PLCB1: variants seen among roughly 807,000 people sequenced by gnomAD.
PLCB1 encodes 1-phosphatidylinositol 4,5-bisphosphate phosphodiesterase beta-1.
A neutral mutation model predicts 161.8 loss-of-function variants in PLCB1; 46 were observed. The ratio of observed to expected loss-of-function variants is 0.28; its 90% CI spans 0.22 to 0.36. The LOEUF is 0.36. Among genes scored for constraint, PLCB1 ranks in the 10% least tolerant of loss-of-function variants. The pLI is 1.00. For synonymous variants in PLCB1, 517 were observed against 503.7 expected (o/e 1.03, Z -0.35); for missense variants, 1,016 against 1,472.5 (o/e 0.69, Z 5.07).
chr20:8,228,253 T>C (rs965691699), intron 2 of PLCB1, among the ~76,000 whole-genome samples: 2 of 152,122 alleles, frequency 1.3e-5, no homozygotes, highest in Non-Finnish European at 2.9e-5. Context: ...AGCAAGAGGA[T>C]GTTTGGTTAA....
At chr20:8,173,937 C>T (rs1343242782) in intron 2 of PLCB1, among the ~76,000 whole-genome samples, 1 of 152,112 alleles carries the variant, frequency 6.6e-6, no homozygotes, top group African/African-American at 2.4e-5. Context: ...GCAGAATGTA[C>T]TCAATCTGAA....
intron 3 of PLCB1, among the ~76,000 whole-genome samples, chr20:8,560,981 G>A (rs954111144): frequency 1.1e-4 from 17 of 151,910 alleles, no homozygotes; most frequent in African/African-American, 3.9e-4. Flanking sequence ...TAACTGGAAG[G>A]ACCTTCCTAG....
chr20:8,703,366 T>C (rs1457699939), intron 11 of PLCB1, among the ~76,000 whole-genome samples: 2 of 152,210 alleles, frequency 1.3e-5, no homozygotes, highest in Non-Finnish European at 2.9e-5. Flanking sequence ...GTAAATATAA[T>C]GGTTGTGTGT....
chr20:8,825,714 AT>A (rs1985662366), intron 31 of PLCB1, among the ~76,000 whole-genome samples: 1 of 152,192 alleles, frequency 6.6e-6, no homozygotes, highest in Non-Finnish European at 1.5e-5. Context: ...CTTTGAAAAT[AT>A]TTTTATTGAT....
rs113924613 is a variant in PLCB1 at position 8,556,458 on chromosome 20, T to C, written c.247-71836T>C. Among the ~76,000 whole-genome samples the C allele has an allele frequency of 3.9e-3, 601 of 152,182 alleles. 3 individuals carry two copies. The highest frequency in any genetic ancestry group is 0.013 in the African/African-American group (557 of 41,540). On this transcript the variant is annotated intron_variant, in intron 3 of 31. Transcript: ENST00000338037. The stretch of plus-strand genomic sequence containing the variant: ...GGAAAAGCTGGAGAATGAGTTACTT[T>C]AGAGAATAATTGCTTTGAAAAAGAT...
At chr20:8,806,498 C>T (rs903120413) in intron 31 of PLCB1, among the ~76,000 whole-genome samples, 4 of 152,030 alleles carry the variant, frequency 2.6e-5, no homozygotes, top group Non-Finnish European at 2.9e-5. Context: ...GCAAGCCATT[C>T]GGCTTATACA....
chr20:8,546,794 C>CA lies in PLCB1; in HGVS notation c.247-81487dup, dbSNP rs201816512. 4.1e-3 allele frequency among the ~76,000 whole-genome samples: 476 copies of CA among 117,062 alleles called. 3 individuals are homozygous for CA. Among genetic ancestry groups the CA allele is most frequent in the South Asian group, 0.019 (73 of 3,776 alleles). 76.8% of individuals were successfully genotyped at this position (117,062 alleles called of 152,430 possible). On this transcript the variant is annotated intron_variant, in intron 3 of 31. Transcript: ENST00000338037. ...TGACTAGTATCATAAACCCTCTTGACAAAAAAAAAAAAATCACATTTCTGT... is the reference window on the plus strand; with the variant it reads ...TGACTAGTATCATAAACCCTCTTGACAAAAAAAAAAAAAATCACATTTCTGT...
intron 31 of PLCB1, among the ~76,000 whole-genome samples, chr20:8,800,997 A>G (rs1414877782): frequency 6.6e-6 from 1 of 152,124 alleles, no homozygotes; most frequent in East Asian, 1.9e-4. Context: ...TCAACATGTC[A>G]CCCAGAGGCA....
chr20:8,849,867 G>T (rs1986828407), intron 31 of PLCB1, among the ~76,000 whole-genome samples: 3 of 151,654 alleles, frequency 2.0e-5, no homozygotes, highest in South Asian at 2.1e-4. Context: ...ACAAAAATTA[G>T]CTGGGCATGC....
At chr20:8,634,118 T>A (rs1441471843) in intron 4 of PLCB1, among the ~76,000 whole-genome samples, 1 of 152,202 alleles carries the variant, frequency 6.6e-6, no homozygotes, top group Non-Finnish European at 1.5e-5. Context: ...TGGTCATAGA[T>A]CTTTGTGTGT....
intron 9 of PLCB1, among the ~76,000 whole-genome samples, chr20:8,680,773 T>C (rs1214584330): frequency 6.6e-6 from 1 of 152,002 alleles, no homozygotes; most frequent in African/African-American, 2.4e-5. Flanking sequence ...TCACACTCAC[T>C]CACCAAACTA....
intron 31 of PLCB1, among the ~76,000 whole-genome samples, chr20:8,862,795 T>C (rs1365493933): frequency 6.6e-6 from 1 of 152,146 alleles, no homozygotes; most frequent in Non-Finnish European, 1.5e-5. Context: ...AACTAAGGAC[T>C]AAGCTAAGGT....
chr20:8,618,144 G>A (rs549388821), intron 3 of PLCB1, among the ~76,000 whole-genome samples: 1 of 152,188 alleles, frequency 6.6e-6, no homozygotes, highest in Admixed American at 6.5e-5. Context: ...TATTGGTTGG[G>A]GAGAGAAATG....
intron 3 of PLCB1, among the ~76,000 whole-genome samples, chr20:8,582,799 C>A (rs1024937346): frequency 6.6e-6 from 1 of 152,078 alleles, no homozygotes; most frequent in African/African-American, 2.4e-5. Context: ...ACCAGCCTGG[C>A]CCACATGGTG....
intron 2 of PLCB1, among the ~76,000 whole-genome samples, chr20:8,272,204 T>C (rs1982320434): frequency 6.6e-6 from 1 of 152,058 alleles, no homozygotes; most frequent in African/African-American, 2.4e-5. Context: ...TAACTAAGAA[T>C]ATGTTTACTT....
chr20:8,509,017 A>G (rs889234543), intron 3 of PLCB1, among the ~76,000 whole-genome samples: 1 of 152,144 alleles, frequency 6.6e-6, no homozygotes, highest in South Asian at 2.1e-4. Context: ...ACTTGAACGG[A>G]GGGCAGACCA....
rs920268655 is a variant in PLCB1, at chr20:8,643,843, G to A, written c.385-2259G>A. Among the ~76,000 whole-genome samples, 100 of 146,042 alleles carry A rather than the reference G, an allele frequency of 6.8e-4. 1 individual carries two copies. The highest frequency in any genetic ancestry group is 2.4e-3 in the African/African-American group (94 of 39,582). On this transcript the variant is annotated intron_variant, in intron 4 of 31. Transcript: ENST00000338037. ...CTTTCCACGGTCTCCCTCTGATGCC[G>A]AGCCAAAGCTGGACTGTACTGCCGC...
At chr20:8,207,201 T>C (rs1978580022) in intron 2 of PLCB1, among the ~76,000 whole-genome samples, 1 of 152,166 alleles carries the variant, frequency 6.6e-6, no homozygotes, top group Non-Finnish European at 1.5e-5. Flanking sequence ...CATGAAAAAC[T>C]CTAATTATAT....
chr20:8,876,205 A>G (rs1987774853), intron 31 of PLCB1, among the ~76,000 whole-genome samples: 1 of 152,078 alleles, frequency 6.6e-6, no homozygotes, highest in South Asian at 2.1e-4. Flanking sequence ...CTCTGACAAC[A>G]CTCTTCTTTA....
Sources: allele counts gnomAD v4.1 joint callset (sites outside exome capture counted in the v4.1 genomes callset), GRCh38; gene constraint gnomAD v4.1.1; transcripts MANE v1.5; gene names NCBI Gene and HGNC (gene_info 2026-07-23, HGNC 2026-07-21).